The following LYPLAL1 variants were observed in gnomAD, a reference collection of about 807,000 sequenced individuals.
LYPLAL1 encodes the protein lysophospholipase-like protein 1.
Under a neutral mutation model 19.7 loss-of-function variants are expected in LYPLAL1, and 23 were observed. That is an observed-to-expected ratio of 1.17 (90% CI 0.84 to 1.65). The LOEUF is 1.65. Ranked by LOEUF, LYPLAL1 falls within the 40% of genes most tolerant of loss-of-function variation. LYPLAL1 has a pLI of 0.00. For synonymous variants in LYPLAL1, 119 were observed against 96.3 expected (o/e 1.24, Z -1.38); for missense variants, 355 against 279.4 (o/e 1.27, Z -1.93).
the LYPLAL1 span, among the ~76,000 whole-genome samples, chr1:219,300,532 T>A: frequency 3.7e-5 from 1 of 27,042 alleles, no homozygotes; most frequent in African/African-American, 1.7e-4. Flanking sequence ...TATCCTAACT[T>A]TTTTTTTTTT....
At chr1:219,273,319 T>C in the LYPLAL1 span, 1 of 152,206 alleles carries the variant, frequency 6.6e-6, no homozygotes, top group African/African-American at 2.4e-5. Context: ...TCAGATGATG[T>C]CATGCAGAAT....
the LYPLAL1 span, among the ~76,000 whole-genome samples, chr1:219,423,848 T>C: frequency 6.6e-6 from 1 of 151,948 alleles, no homozygotes; most frequent in Non-Finnish European, 1.5e-5. Flanking sequence ...TCCGTCTTTT[T>C]CTCTCTCCCT....
chr1:219,412,259 C>G, the LYPLAL1 span, among the ~76,000 whole-genome samples: 704 of 152,170 alleles, frequency 4.6e-3, 8 homozygotes, highest in African/African-American at 0.016. Context: ...AACTCCTGAT[C>G]TCAATGATCC....
At chr1:219,217,536 A>C (rs895580231), downstream of LYPLAL1, among the ~76,000 whole-genome samples, 4 of 151,680 alleles carry the variant, frequency 2.6e-5, no homozygotes, top group South Asian at 2.1e-4. Flanking sequence ...TTAGTTATGA[A>C]CTCTTCATTC....
chr1:219,376,355 T>C, the LYPLAL1 span, among the ~76,000 whole-genome samples: 3 of 152,060 alleles, frequency 2.0e-5, no homozygotes, highest in Non-Finnish European at 4.4e-5. Flanking sequence ...TAAAGACAAA[T>C]ATAAAAGCAA....
At chr1:219,339,050 T>C in the LYPLAL1 span, among the ~76,000 whole-genome samples, 4 of 151,858 alleles carry the variant, frequency 2.6e-5, no homozygotes, top group African/African-American at 9.7e-5. Flanking sequence ...AGAGATAATC[T>C]AGAAGAAGGA....
chr1:219,373,863 C>CAAAAAAA, the LYPLAL1 span, among the ~76,000 whole-genome samples: 17 of 102,208 alleles, frequency 1.7e-4, no homozygotes, highest in Non-Finnish European at 2.4e-4. Flanking sequence ...ATAAAATTGT[C>CAAAAAAA]AAAAAAAAAA....
chr1:219,200,386 A>G (rs1005807983), intron 3 of LYPLAL1: 3 of 197,780 alleles, frequency 1.5e-5, no homozygotes, highest in African/African-American at 7.0e-5. Context: ...AACTCTTGAA[A>G]TGCCCACCAC....
the LYPLAL1 span, among the ~76,000 whole-genome samples, chr1:219,306,781 G>GATAC: frequency 1.3e-5 from 2 of 150,098 alleles, no homozygotes; most frequent in East Asian, 1.9e-4. Context: ...TAGATAGATA[G>GATAC]ATAGATACAT....
At chr1:219,238,333 A>G in the LYPLAL1 span, among the ~76,000 whole-genome samples, 3 of 43,784 alleles carry the variant, frequency 6.9e-5, no homozygotes, top group Non-Finnish European at 8.6e-5. Flanking sequence ...TTTTTTTTTT[A>G]GTAGAGACGG....
the LYPLAL1 span, among the ~76,000 whole-genome samples, chr1:219,242,920 G>A: frequency 2.0e-5 from 3 of 152,234 alleles, no homozygotes; most frequent in Non-Finnish European, 4.4e-5. Context: ...TCAGTCCTAT[G>A]TGGGCTAAGG....
At chr1:219,210,392 A>C (rs1324578609) in intron 3 of LYPLAL1, 140 bp from the exon 4 acceptor site, 3 of 540,038 alleles carry the variant, frequency 5.6e-6, no homozygotes, top group South Asian at 6.5e-5. Context: ...TTTGTCTGTG[A>C]AACTTAGAGT....
At chr1:219,374,161 G>A in the LYPLAL1 span, among the ~76,000 whole-genome samples, 2 of 149,590 alleles carry the variant, frequency 1.3e-5, no homozygotes, top group South Asian at 4.2e-4. Flanking sequence ...TGGTGGGGGC[G>A]GTATGGATAT....
At chr1:219,191,794 T>G (rs1002125038) in intron 2 of LYPLAL1, among the ~76,000 whole-genome samples, 1 of 151,640 alleles carries the variant, frequency 6.6e-6, no homozygotes, top group Non-Finnish European at 1.5e-5. Context: ...GGAAAACATT[T>G]AAGTTTTTAT....
the LYPLAL1 span, among the ~76,000 whole-genome samples, chr1:219,246,267 C>G: frequency 2.0e-5 from 3 of 152,058 alleles, no homozygotes. Context: ...AGGCAGAAAT[C>G]TTATTCTCTA....
At chr1:219,425,815 A>G in the LYPLAL1 span, among the ~76,000 whole-genome samples, 3 of 152,196 alleles carry the variant, frequency 2.0e-5, no homozygotes, top group Non-Finnish European at 2.9e-5. Flanking sequence ...TAAGTATGTC[A>G]TTACGCTTGA....
chr1:219,174,100 C>G (rs1022220399), intron 1 of LYPLAL1, 119 bp downstream of exon 1: 3 of 1,493,680 alleles, frequency 2.0e-6, no homozygotes, highest in African/African-American at 1.4e-5. Flanking sequence ...GTGGGTGGCT[C>G]CCCCGTCGCC....
the LYPLAL1 span, among the ~76,000 whole-genome samples, chr1:219,385,686 G>C: frequency 2.6e-5 from 4 of 151,988 alleles, no homozygotes; most frequent in African/African-American, 9.7e-5. Context: ...TTAAAAAGAA[G>C]GGGGAAAGGA....
chr1:219,175,026 C>T (rs1655695215), intron 1 of LYPLAL1: 1 of 985,238 alleles, frequency 1.0e-6, no homozygotes, highest in Admixed American at 6.2e-5. Flanking sequence ...GACGGGTAGG[C>T]TTAAATGGGA....
Sources: allele counts gnomAD v4.1 joint callset (sites outside exome capture counted in the v4.1 genomes callset), GRCh38; gene constraint gnomAD v4.1.1; transcripts MANE v1.5; gene names NCBI Gene and HGNC (gene_info 2026-07-23, HGNC 2026-07-21).